Variants in CNTN4 observed in about 807,000 individuals in gnomAD.
The protein encoded by CNTN4 is contactin-4.
Under a neutral mutation model 122.5 loss-of-function variants are expected in CNTN4, and 77 were observed. The observed-to-expected ratio is 0.63, with a 90% CI of 0.52 to 0.76. The LOEUF (loss-of-function observed/expected upper bound fraction) is 0.76, where lower values mean the gene tolerates loss of function less well. Among genes scored for constraint, CNTN4 ranks in the 30% least tolerant of loss-of-function variants. The pLI is 0.00. For missense variants in CNTN4, 1,256 were observed against 1,259.1 expected (o/e 1.00, Z 0.04); for synonymous variants, 512 against 447.0 (o/e 1.15, Z -1.83).
rs549385844 is a variant in CNTN4 at position 2,485,624 on chromosome 3, G to T, written c.-88-85792G>T. Among the ~76,000 whole-genome samples the T allele has an allele frequency of 5.3e-5, 8 of 152,224 alleles. No homozygotes were observed. The South Asian group carries it at 1.7e-3, about 32-fold the overall frequency. On this transcript the variant is annotated intron_variant, in intron 3 of 24. Coordinates refer to ENST00000418658, the MANE Select transcript of CNTN4 (RefSeq NM_175607.3). ...GCACTCTGTATCTAGGTAATCTGGGGGGGACTTGGAGAATCTTTGTCTAGC... is the reference window on the plus strand; with the variant it reads ...GCACTCTGTATCTAGGTAATCTGGGTGGGACTTGGAGAATCTTTGTCTAGC...
chr3:2,827,720 C>A (rs114262866), intron 7 of CNTN4, among the ~76,000 whole-genome samples: 2,311 of 152,238 alleles, frequency 0.015, 74 homozygotes, highest in African/African-American at 0.053. Flanking sequence ...AAGCCAAACC[C>A]TGTGTGATTC....
At chr3:2,583,754 C>T (rs1240863588) in intron 4 of CNTN4, among the ~76,000 whole-genome samples, 2 of 152,044 alleles carry the variant, frequency 1.3e-5, no homozygotes, top group Non-Finnish European at 2.9e-5. Context: ...ATTTGTTAAA[C>T]ACCTATATTA....
At chr3:2,424,227 T>C (rs73112050) in intron 3 of CNTN4, among the ~76,000 whole-genome samples, 31,786 of 69,326 alleles carry the variant, frequency 0.46, 4,975 homozygotes, top group Admixed American at 0.52. Context: ...CCCTCCACCC[T>C]ACAGCAGGCC....
intron 3 of CNTN4, among the ~76,000 whole-genome samples, chr3:2,388,054 T>A (rs1258623352): frequency 6.6e-6 from 1 of 152,220 alleles, no homozygotes; most frequent in Non-Finnish European, 1.5e-5. Context: ...TTATTGGAAA[T>A]TTAGCTTAGT....
chr3:2,663,016 C>T lies in CNTN4; in HGVS notation c.56-73199C>T, dbSNP rs4374513. Among the ~76,000 whole-genome samples, 1,327 of 151,848 alleles carry T rather than the reference C, an allele frequency of 8.7e-3. 71 individuals are homozygous for T. Among genetic ancestry groups the T allele is most frequent in the Admixed American group, 0.082 (1,248 of 15,216 alleles). The stretch of plus-strand genomic sequence containing the variant: ...GCTCAGGAGGCTGAGGCAGGAGAAT[C>T]GCTTGAACCCAAGAGGCAGAAGTTG... On this transcript the variant is annotated intron_variant, in intron 4 of 24. Coordinates refer to ENST00000418658, the MANE Select transcript of CNTN4 (RefSeq NM_175607.3).
chr3:2,860,076 A>G (rs2093656838), intron 7 of CNTN4, among the ~76,000 whole-genome samples: 1 of 152,232 alleles, frequency 6.6e-6, no homozygotes, highest in African/African-American at 2.4e-5. Flanking sequence ...GAACAAAGCG[A>G]GTAGTCTCTT....
chr3:2,108,368 GAT>G (rs765831704), intron 2 of CNTN4, among the ~76,000 whole-genome samples: 7 of 152,084 alleles, frequency 4.6e-5, no homozygotes, highest in Non-Finnish European at 8.8e-5. Flanking sequence ...CCATGCCACT[GAT>G]ATAATATCTG....
chr3:2,648,910 A>G (rs1370283347), intron 4 of CNTN4, among the ~76,000 whole-genome samples: 2 of 152,228 alleles, frequency 1.3e-5, no homozygotes, highest in African/African-American at 4.8e-5. Context: ...AGAAATTAAT[A>G]CAGTCTTATT....
chr3:2,266,790 T>C (rs1430019833), intron 2 of CNTN4, among the ~76,000 whole-genome samples: 1 of 152,068 alleles, frequency 6.6e-6, no homozygotes, highest in East Asian at 1.9e-4. Context: ...TCTGGGAAGG[T>C]GACAGTCAAC....
At chr3:2,327,764 T>C (rs912570701) in intron 2 of CNTN4, among the ~76,000 whole-genome samples, 6 of 152,162 alleles carry the variant, frequency 3.9e-5, no homozygotes, top group African/African-American at 1.4e-4. Flanking sequence ...GGGACTATAT[T>C]TGGAACCTCC....
intron 2 of CNTN4, among the ~76,000 whole-genome samples, chr3:2,195,785 A>G (rs1041204640): frequency 7.9e-5 from 12 of 152,188 alleles, no homozygotes; most frequent in Non-Finnish European, 1.3e-4. Context: ...ATATTTTAAG[A>G]GAAAATATTC....
chr3:2,398,920 G>C (rs956758392), intron 3 of CNTN4, among the ~76,000 whole-genome samples: 2 of 152,006 alleles, frequency 1.3e-5, no homozygotes, highest in Non-Finnish European at 2.9e-5. Context: ...AGGCTCAGGC[G>C]TTTCCATATA....
intron 2 of CNTN4, among the ~76,000 whole-genome samples, chr3:2,104,233 T>TGTGTG (rs766594112): frequency 7.4e-6 from 1 of 135,632 alleles, no homozygotes; most frequent in East Asian, 1.9e-4. Flanking sequence ...TGTCTACGTG[T>TGTGTG]GTGTGTGTGT....
At chr3:2,440,760 A>C (rs1474393325) in intron 3 of CNTN4, among the ~76,000 whole-genome samples, 2 of 150,152 alleles carry the variant, frequency 1.3e-5, no homozygotes, top group Non-Finnish European at 3.0e-5. Context: ...ATGTGTGAAT[A>C]TATATACACA....
At chr3:2,666,503 C>T (rs1171885057) in intron 4 of CNTN4, among the ~76,000 whole-genome samples, 1 of 151,988 alleles carries the variant, frequency 6.6e-6, no homozygotes, top group Non-Finnish European at 1.5e-5. Flanking sequence ...CAAAGTAAGA[C>T]ATTACTGATT....
chr3:2,467,690 G>GTAAT (rs947681719), intron 3 of CNTN4, among the ~76,000 whole-genome samples: 1 of 152,076 alleles, frequency 6.6e-6, no homozygotes, highest in Admixed American at 6.6e-5. Context: ...ATTATTATCA[G>GTAAT]TAATTAATTA....
At chr3:2,615,060 G>C (rs895630953) in intron 4 of CNTN4, among the ~76,000 whole-genome samples, 2 of 151,958 alleles carry the variant, frequency 1.3e-5, no homozygotes, top group African/African-American at 4.8e-5. Flanking sequence ...TTCCCTAAAA[G>C]ACAAAGAAAG....
At chr3:2,394,476 T>A (rs2046564308) in intron 3 of CNTN4, among the ~76,000 whole-genome samples, 1 of 152,146 alleles carries the variant, frequency 6.6e-6, no homozygotes, top group Admixed American at 6.6e-5. Flanking sequence ...AAAAAAGTGC[T>A]CACATCTTTA....
At chr3:2,889,948 C>T (rs895654757) in intron 10 of CNTN4, among the ~76,000 whole-genome samples, 1 of 152,084 alleles carries the variant, frequency 6.6e-6, no homozygotes, top group African/African-American at 2.4e-5. Flanking sequence ...GGGATCCTGC[C>T]CTGGAGATGA....
Sources: gnomAD v4.1 joint callset for allele counts (sites outside exome capture counted in the v4.1 genomes callset) on GRCh38, gnomAD v4.1.1 for gene constraint, MANE v1.5 for transcripts, NCBI Gene and HGNC (gene_info 2026-07-23, HGNC 2026-07-21) for gene names.